The following LRRC17 variants were observed in gnomAD, a reference collection of about 807,000 sequenced individuals.
LRRC17 encodes the protein leucine rich repeat containing 17.
In LRRC17, 33 loss-of-function variants were observed where a neutral mutation model predicts 41.5. The observed-to-expected ratio is 0.80, with a 90% CI of 0.60 to 1.06. The LOEUF (loss-of-function observed/expected upper bound fraction) is 1.06. LRRC17 is among the 50% of genes least tolerant of loss of function. The pLI is 0.00. For missense variants in LRRC17, 491 were observed against 519.3 expected, an observed-to-expected ratio of 0.95 and a Z score of 0.53; for synonymous variants, 192 against 197.0, an observed-to-expected ratio of 0.97 and a Z score of 0.21.
At chr7:102,938,854 C>T (rs1820834222) in intron 2 of LRRC17, among the ~76,000 whole-genome samples, 1 of 152,166 alleles carries the variant, frequency 6.6e-6, no homozygotes, top group Non-Finnish European at 1.5e-5. Flanking sequence ...TTTTGCATTT[C>T]CTGGTATTAC....
At chr7:102,941,319 A>G (rs1821377607) in intron 3 of LRRC17, among the ~76,000 whole-genome samples, 1 of 152,170 alleles carries the variant, frequency 6.6e-6, no homozygotes, top group South Asian at 2.1e-4. Flanking sequence ...GTACAGGGTA[A>G]AGAATCTGGA....
intron 2 of LRRC17, among the ~76,000 whole-genome samples, chr7:102,935,082 A>C (rs1052113578): frequency 3.9e-5 from 6 of 152,194 alleles, no homozygotes; most frequent in African/African-American, 1.4e-4. Flanking sequence ...CATGGTGTGC[A>C]TCTGTGAGAA....
intron 2 of LRRC17, among the ~76,000 whole-genome samples, chr7:102,938,506 TG>T (rs1270002585): frequency 6.6e-6 from 1 of 152,166 alleles, no homozygotes; most frequent in Non-Finnish European, 1.5e-5. Context: ...CAACAAGATT[TG>T]GCTGGAGAAG....
chr7:102,925,846 C>T (rs985688225), intron 1 of LRRC17, among the ~76,000 whole-genome samples: 1 of 150,622 alleles, frequency 6.6e-6, no homozygotes, highest in East Asian at 2.0e-4. Flanking sequence ...GAGGCTGACG[C>T]ATGAGAATCG....
At chr7:102,938,155 C>T (rs574855741) in intron 2 of LRRC17, among the ~76,000 whole-genome samples, 2 of 152,156 alleles carry the variant, frequency 1.3e-5, no homozygotes, top group African/African-American at 2.4e-5. Context: ...TTGAGGTAAA[C>T]GGATTTGTCA....
At chr7:102,935,767 A>G (rs1820191730) in intron 2 of LRRC17, among the ~76,000 whole-genome samples, 1 of 152,210 alleles carries the variant, frequency 6.6e-6, no homozygotes, top group Non-Finnish European at 1.5e-5. Context: ...GCATGGTTTA[A>G]TAATTTATTT....
Position 102,934,621 on chromosome 7 carries a change from G to A in LRRC17, c.708G>A (p.Glu236=), listed in dbSNP as rs1819932907. 6.2e-7 allele frequency: 1 copy of A among 1,610,724 alleles called. No individual in the cohort carries two copies. Among genetic ancestry groups the A allele is most frequent in the African/African-American group, 1.3e-5 (1 of 74,608 alleles). Residue 236 remains glutamate, a synonymous_variant, in exon 2 of 4, where the codon GAG becomes GAA. Transcript: ENST00000339431. ...VSGRPPVIKP[E]VDSTFCHNYV... ...GGAGACCCCCAGTCATCAAGCCTGAGGTGGACTCAACTTTTTGCCACAATT... is the reference window on the plus strand; with the variant it reads ...GGAGACCCCCAGTCATCAAGCCTGAAGTGGACTCAACTTTTTGCCACAATT...
chr7:102,914,950 T>C (rs1347603916), intron 1 of LRRC17, among the ~76,000 whole-genome samples: 3 of 152,074 alleles, frequency 2.0e-5, no homozygotes, highest in Non-Finnish European at 2.9e-5. Context: ...AGCAATCCTT[T>C]AGCTTTATAA....
At chr7:102,933,742 T>C (rs978566274) in intron 1 of LRRC17, 32 bp from the exon 2 acceptor site, 1 of 614,126 alleles carries the variant, frequency 1.6e-6, no homozygotes, top group African/African-American at 1.8e-5. Context: ...CAATGGGCCT[T>C]AATTTTTAAT....
At chr7:102,932,252 T>C (rs1819323409) in intron 1 of LRRC17, among the ~76,000 whole-genome samples, 1 of 152,240 alleles carries the variant, frequency 6.6e-6, no homozygotes, top group Admixed American at 6.5e-5. Flanking sequence ...TGGTTTTTTG[T>C]GCCTGCTTTT....
At chr7:102,934,749 T>A in intron 2 of LRRC17, 64 bp downstream of exon 2, 3 of 1,344,396 alleles carry the variant, frequency 2.2e-6, no homozygotes, top group Non-Finnish European at 3.1e-6. Flanking sequence ...AATCTTATAA[T>A]CCTCCCTACA....
chr7:102,935,263 T>C (rs1820101841), intron 2 of LRRC17, among the ~76,000 whole-genome samples: 1 of 82,834 alleles, frequency 1.2e-5, no homozygotes, highest in African/African-American at 3.2e-5. Context: ...TTTTTTTTTT[T>C]TTTTTTGAGA....
chr7:102,926,510 A>G lies in LRRC17; in HGVS notation c.-140-7264A>G, dbSNP rs74575783. 1.1e-3 allele frequency: 722 copies of G among 629,376 alleles called. 5 individuals are homozygous for G. In the African/African-American group the frequency reaches 0.013, roughly 11 times the overall value. The allele number at this position is 629,376 out of a possible 1,614,324, so 39.0% of individuals were successfully genotyped here. On this transcript the variant is annotated intron_variant, in intron 1 of 3. Coordinates refer to ENST00000339431, the MANE Select transcript of LRRC17 (RefSeq NM_001031692.3). ...GTTGGTTTCTTCATATTCTTTATCTACTATTAGGTTGAAATGAAATTAAAT... is the reference window on the plus strand; with the variant it reads ...GTTGGTTTCTTCATATTCTTTATCTGCTATTAGGTTGAAATGAAATTAAAT...
At chr7:102,941,836 C>T (rs1031100872) in intron 3 of LRRC17, among the ~76,000 whole-genome samples, 24 of 151,402 alleles carry the variant, frequency 1.6e-4, no homozygotes, top group African/African-American at 5.1e-4. Context: ...GTTTTAGTTA[C>T]AACAAAACTA....
intron 1 of LRRC17, among the ~76,000 whole-genome samples, chr7:102,932,353 C>T (rs888848876): frequency 1.3e-5 from 2 of 152,054 alleles, no homozygotes; most frequent in Non-Finnish European, 2.9e-5. Flanking sequence ...ATCTATATAG[C>T]CACTACTTGG....
intron 2 of LRRC17, among the ~76,000 whole-genome samples, chr7:102,935,971 C>G (rs1282259478): frequency 6.6e-6 from 1 of 152,122 alleles, no homozygotes; most frequent in Non-Finnish European, 1.5e-5. Flanking sequence ...GCATCCTGAA[C>G]CAGAAGTAAA....
In LRRC17 at chr7:102,933,961, T is replaced by G; in HGVS notation, c.48T>G (p.Ala16=). 2 of 1,613,720 alleles carry G rather than the reference T, an allele frequency of 1.2e-6. No homozygotes were observed. Among genetic ancestry groups the G allele is most frequent in the Non-Finnish European group, 1.7e-6 (2 of 1,179,724 alleles). ...IVILLCFCKA[A]ELRKASPGSV... ...TCTTGCTCTGCTTTTGCAAAGCGGC[T>G]GAGCTGCGCAAAGCAAGCCCAGGCA... is the stretch of plus-strand genomic sequence containing the variant. Residue 16 remains alanine (A), a synonymous_variant, in exon 2 of 4, where the codon GCT becomes GCG. Transcript: ENST00000339431.
intron 2 of LRRC17, among the ~76,000 whole-genome samples, chr7:102,935,688 T>C (rs1313608965): frequency 6.6e-6 from 1 of 151,860 alleles, no homozygotes; most frequent in African/African-American, 2.4e-5. Flanking sequence ...TCTCAAAGAG[T>C]GGTCTGGGAA....
At chr7:102,925,844 C>T (rs546233399) in intron 1 of LRRC17, among the ~76,000 whole-genome samples, 2 of 150,944 alleles carry the variant, frequency 1.3e-5, no homozygotes, top group East Asian at 2.0e-4. Context: ...AGGAGGCTGA[C>T]GCATGAGAAT....
Sources: gnomAD v4.1 joint callset for allele counts (sites outside exome capture counted in the v4.1 genomes callset) on GRCh38, gnomAD v4.1.1 for gene constraint, MANE v1.5 for transcripts, NCBI Gene and HGNC (gene_info 2026-07-23, HGNC 2026-07-21) for gene names.